UNC93A: variants seen among roughly 807,000 people sequenced by gnomAD.
The protein encoded by UNC93A is N-acetylglucosamine transporter UNC93A.
A neutral mutation model predicts 47.5 loss-of-function variants in UNC93A; 43 were observed. The ratio of observed to expected loss-of-function variants is 0.91; its 90% CI spans 0.71 to 1.17. The LOEUF (loss-of-function observed/expected upper bound fraction) is 1.17. Ranked by LOEUF, UNC93A falls within the 50% of genes most tolerant of loss-of-function variation. The probability of loss-of-function intolerance (pLI) is 0.00; values close to 1 mark genes in which losing one functional copy is unlikely to be tolerated. For synonymous variants in UNC93A, 280 were observed against 258.0 expected (o/e 1.09, Z -0.82); for missense variants, 605 against 577.6 (o/e 1.05, Z -0.49).
At chr6:167,301,696 C>T (rs139373470) in intron 4 of UNC93A, among the ~76,000 whole-genome samples, 7 of 152,248 alleles carry the variant, frequency 4.6e-5, no homozygotes, top group East Asian at 1.9e-4. Context: ...ACAAGGCTTT[C>T]GGGGAGATTG....
chr6:167,291,922 C>T (rs892401716), intron 1 of UNC93A, among the ~76,000 whole-genome samples: 2 of 152,146 alleles, frequency 1.3e-5, no homozygotes, highest in African/African-American at 4.8e-5. Flanking sequence ...GATTGGATGC[C>T]CTTGGCTTTG....
At chr6:167,294,769 T>A in intron 2 of UNC93A, 71 bp downstream of exon 2, 1 of 1,452,062 alleles carries the variant, frequency 6.9e-7, no homozygotes, top group South Asian at 1.3e-5. Flanking sequence ...ACTCTGCACA[T>A]GAGTTGCATT....
chr6:167,304,456 G>T (rs544876567), intron 5 of UNC93A, among the ~76,000 whole-genome samples: 43 of 152,290 alleles, frequency 2.8e-4, no homozygotes, highest in African/African-American at 1.0e-3. Flanking sequence ...ACTCATCGGT[G>T]TTACCCCTGC....
chr6:167,299,021 G>A (rs1426686370), intron 4 of UNC93A, among the ~76,000 whole-genome samples: 1 of 151,286 alleles, frequency 6.6e-6, no homozygotes, highest in African/African-American at 2.4e-5. Flanking sequence ...GGGGGGCTGA[G>A]GCAGGAGAAT....
chr6:167,283,194 T>C (rs1055916280), intron 1 of UNC93A, among the ~76,000 whole-genome samples: 2 of 152,218 alleles, frequency 1.3e-5, no homozygotes, highest in Admixed American at 1.3e-4. Flanking sequence ...TTTCAAAATG[T>C]GTCAAACAAA....
intron 7 of UNC93A, among the ~76,000 whole-genome samples, chr6:167,312,665 G>A (rs187457104): frequency 1.5e-3 from 235 of 152,340 alleles, no homozygotes; most frequent in African/African-American, 5.5e-3. Flanking sequence ...AGGTATGACT[G>A]CTTCCTTATG....
chr6:167,306,873 G>C (rs890032113), intron 6 of UNC93A, among the ~76,000 whole-genome samples: 1 of 152,186 alleles, frequency 6.6e-6, no homozygotes, highest in Non-Finnish European at 1.5e-5. Context: ...GTGGCGTCTT[G>C]AGCGTCAATG....
intron 1 of UNC93A, among the ~76,000 whole-genome samples, chr6:167,273,430 C>T (rs1260160330): frequency 6.6e-6 from 1 of 152,200 alleles, no homozygotes; most frequent in African/African-American, 2.4e-5. Context: ...TGACCCTGTA[C>T]CTGGCTCTGT....
upstream of UNC93A, among the ~76,000 whole-genome samples, chr6:167,269,538 A>G (rs1783418574): frequency 6.6e-6 from 1 of 152,172 alleles, no homozygotes; most frequent in African/African-American, 2.4e-5. Context: ...AAAGAAGGGA[A>G]AGAGACTGCA....
chr6:167,278,984 A>G (rs1783588546), intron 1 of UNC93A, among the ~76,000 whole-genome samples: 1 of 152,202 alleles, frequency 6.6e-6, no homozygotes, highest in African/African-American at 2.4e-5. Flanking sequence ...TTTGACGAAA[A>G]TCTTTTAATA....
chr6:167,296,103 A>AC lies in UNC93A; in HGVS notation c.343dup (p.Leu115ProfsTer67), dbSNP rs780607362. On this transcript the variant is annotated frameshift_variant, in exon 3 of 8. Coordinates refer to ENST00000230256, the MANE Select transcript of UNC93A (RefSeq NM_018974.4). LOFTEE classifies it high-confidence loss of function. ...CCGCTGTGGTCTGCACAGTGCACAT[A>AC]CCTCACGATCACGGGAAACACACAT... 1 of 1,614,076 alleles carries AC rather than the reference A, an allele frequency of 6.2e-7. No individual in the cohort carries two copies. Among genetic ancestry groups the AC allele is most frequent in the African/African-American group, 1.3e-5 (1 of 74,888 alleles).
chr6:167,288,414 A>G (rs1008641922), upstream of UNC93A, among the ~76,000 whole-genome samples: 5 of 151,318 alleles, frequency 3.3e-5, no homozygotes, highest in Non-Finnish European at 7.4e-5. Context: ...ATACTCTCTC[A>G]AGCCATGGTT....
chr6:167,282,911 G>A lies in UNC93A; in HGVS notation c.-51-8528G>A, dbSNP rs79161378. On this transcript the variant is annotated intron_variant, in intron 1 of 3. Transcript: ENST00000503433. ...TTCAAAGATTTTCTGATTGGTAATCGGTTGAAAAAGTTATTATCTAAAGAT... is the reference window on the plus strand; with the variant it reads ...TTCAAAGATTTTCTGATTGGTAATCAGTTGAAAAAGTTATTATCTAAAGAT... 1.1e-4 allele frequency among the ~76,000 whole-genome samples: 16 copies of A among 152,248 alleles called. 1 individual carries two copies. In the East Asian group the frequency reaches 2.7e-3, roughly 26 times the overall value.
At chr6:167,292,147 C>A (rs913781872) in intron 1 of UNC93A, among the ~76,000 whole-genome samples, 1 of 152,174 alleles carries the variant, frequency 6.6e-6, no homozygotes, top group Admixed American at 6.5e-5. Flanking sequence ...TAGACATAGA[C>A]CTGACACATT....
intron 5 of UNC93A, 90 bp downstream of exon 5, chr6:167,304,223 C>T: frequency 7.0e-7 from 1 of 1,420,680 alleles, no homozygotes; most frequent in South Asian, 1.2e-5. Context: ...CAGAGTGTCT[C>T]AGGCCACCTG....
chr6:167,293,968 C>G (rs554753885), intron 1 of UNC93A, among the ~76,000 whole-genome samples: 48 of 152,284 alleles, frequency 3.2e-4, no homozygotes, highest in Non-Finnish European at 8.8e-5. Flanking sequence ...CCTGCAGTTT[C>G]CAGGATACGA....
At position 167,307,888 on chromosome 6, in the gene UNC93A, C is replaced by T. The variant is rs777507556; in HGVS notation, c.1086C>T (p.Ala362=). 42 of 1,613,716 alleles carry T rather than the reference C, an allele frequency of 2.6e-5. No homozygotes were observed. Among genetic ancestry groups the T allele is most frequent in the Middle Eastern group, 3.3e-4 (2 of 6,084 alleles). ...CTGGCCTGTGGGGCGTGGCAGATGC[C>T]GTCTGGCAGACACAAAACAATGGTG... ...VFSGLWGVAD[A]VWQTQNNALY... Residue 362 remains alanine, a synonymous_variant, in exon 7 of 8, where the codon GCC becomes GCT. Transcript: ENST00000230256.
At chr6:167,299,877 C>T (rs569206357) in intron 4 of UNC93A, among the ~76,000 whole-genome samples, 119 of 152,300 alleles carry the variant, frequency 7.8e-4, no homozygotes, top group Non-Finnish European at 1.4e-3. Context: ...AGGGTCTGGA[C>T]GAGTGCAGAC....
chr6:167,305,558 G>C (rs1328454960), intron 5 of UNC93A, among the ~76,000 whole-genome samples: 2 of 149,674 alleles, frequency 1.3e-5, no homozygotes, highest in African/African-American at 4.9e-5. Flanking sequence ...TTCTCTCTCT[G>C]TTTTTTTTTT....
Sources: allele counts gnomAD v4.1 joint callset (sites outside exome capture counted in the v4.1 genomes callset), GRCh38; gene constraint gnomAD v4.1.1; transcripts MANE v1.5; gene names NCBI Gene and HGNC (gene_info 2026-07-23, HGNC 2026-07-21).